The following ZNF536 variants were observed in gnomAD, a reference collection of about 807,000 sequenced individuals.
ZNF536 encodes the protein zinc finger protein 536.
ZNF536 carries 13 observed loss-of-function variants against 84.5 expected under a neutral mutation model. That is an observed-to-expected ratio of 0.15 (90% CI 0.10 to 0.24). ZNF536 has a LOEUF of 0.24. Among genes scored for constraint, ZNF536 ranks in the 10% least tolerant of loss-of-function variants. The pLI is 1.00. For missense variants in ZNF536, 1,536 were observed against 1,747.5 expected (o/e 0.88, Z 2.16); for synonymous variants, 811 against 742.5 (o/e 1.09, Z -1.50).
At chr19:30,458,240 G>A (rs2052948809) in intron 2 of ZNF536, among the ~76,000 whole-genome samples, 1 of 151,986 alleles carries the variant, frequency 6.6e-6, no homozygotes, top group African/African-American at 2.4e-5. Context: ...CCACATCATG[G>A]GAATTTGGGT....
chr19:30,673,036 C>T (rs1421803440), intron 1 of ZNF536, among the ~76,000 whole-genome samples: 1 of 152,156 alleles, frequency 6.6e-6, no homozygotes, highest in Non-Finnish European at 1.5e-5. Flanking sequence ...CCAGAAAGCC[C>T]CATATGCTTT....
At position 30,303,685 on chromosome 19, in the gene ZNF536, T is replaced by C. The variant is rs796811182; in HGVS notation, c.-120+19544T>C. On this transcript the variant is annotated intron_variant, in intron 2 of 5. Coordinates refer to the ZNF536 transcript ENST00000585628. ...GCCCGGCTAATTTTTATATTTTTAGTAGAGACAAAGTTTCACCATGTCGGC... is the reference window on the plus strand; with the variant it reads ...GCCCGGCTAATTTTTATATTTTTAGCAGAGACAAAGTTTCACCATGTCGGC... 4.6e-5 allele frequency among the ~76,000 whole-genome samples: 7 copies of C among 152,216 alleles called. 1 individual carries two copies. The highest frequency in any genetic ancestry group is 1.7e-4 in the African/African-American group (7 of 41,528).
chr19:30,556,494 C>A (rs1034857203), intron 4 of ZNF536: 2 of 152,380 alleles, frequency 1.3e-5, no homozygotes, highest in Admixed American at 6.5e-5. Context: ...CAAAGGCATT[C>A]TTCTCCTGTT....
At chr19:30,607,818 T>G (rs1210046467) in intron 1 of ZNF536, among the ~76,000 whole-genome samples, 1 of 152,202 alleles carries the variant, frequency 6.6e-6, no homozygotes, top group Admixed American at 6.5e-5. Context: ...TCCTATTATT[T>G]TTGAAAATGT....
At chr19:30,502,694 C>G (rs1041375625) in intron 2 of ZNF536, among the ~76,000 whole-genome samples, 2 of 151,898 alleles carry the variant, frequency 1.3e-5, no homozygotes, top group African/African-American at 4.8e-5. Flanking sequence ...CCTCTATTGC[C>G]CCTCCAGCAA....
At chr19:30,510,822 T>C (rs572549036) in intron 2 of ZNF536, among the ~76,000 whole-genome samples, 76 of 152,316 alleles carry the variant, frequency 5.0e-4, no homozygotes, top group Non-Finnish European at 9.4e-4. Context: ...CCTCTTTGAA[T>C]GCCGTCACAT....
chr19:30,345,243 T>TC (rs3081846), intron 2 of ZNF536, among the ~76,000 whole-genome samples: 86,924 of 151,904 alleles, frequency 0.57, 25,273 homozygotes, highest in East Asian at 0.81. Flanking sequence ...CCCCGGGGGC[T>TC]CCCCCCAGCA....
At chr19:30,490,966 T>C (rs999454797) in intron 2 of ZNF536, among the ~76,000 whole-genome samples, 1 of 151,416 alleles carries the variant, frequency 6.6e-6, no homozygotes, top group Non-Finnish European at 1.5e-5. Flanking sequence ...TGAACAGGAG[T>C]GGGCAGGCAC....
At chr19:30,227,172 A>T (rs1339878285), upstream of ZNF536, among the ~76,000 whole-genome samples, 5 of 151,674 alleles carry the variant, frequency 3.3e-5, no homozygotes, top group Admixed American at 1.3e-4. Context: ...AGAAAGAAAA[A>T]GGGCTGGGCA....
chr19:30,461,919 T>A (rs2053156865), intron 2 of ZNF536, among the ~76,000 whole-genome samples: 1 of 152,104 alleles, frequency 6.6e-6, no homozygotes, highest in Non-Finnish European at 1.5e-5. Flanking sequence ...CATCCGGAAG[T>A]CAGCTCTCCA....
At chr19:30,652,905 C>T (rs990186584) in intron 1 of ZNF536, among the ~76,000 whole-genome samples, 1 of 152,140 alleles carries the variant, frequency 6.6e-6, no homozygotes. Flanking sequence ...ACTTCTTACT[C>T]CCCGTGTGGG....
At chr19:30,588,674 G>A (rs1464504389) in intron 1 of ZNF536, among the ~76,000 whole-genome samples, 2 of 152,150 alleles carry the variant, frequency 1.3e-5, no homozygotes, top group African/African-American at 2.4e-5. Context: ...TTAACCCAGA[G>A]AGAGAAGGTC....
chr19:30,269,975 C>T (rs185040395), intron 1 of ZNF536, among the ~76,000 whole-genome samples: 1 of 152,050 alleles, frequency 6.6e-6, no homozygotes, highest in Non-Finnish European at 1.5e-5. Context: ...CTTTATATAT[C>T]CCTCTGAACT....
intron 2 of ZNF536, among the ~76,000 whole-genome samples, chr19:30,449,774 G>A (rs930897087): frequency 6.6e-6 from 1 of 152,204 alleles, no homozygotes; most frequent in Non-Finnish European, 1.5e-5. Context: ...GGTCAGCTGG[G>A]CTAAAAGCCT....
intron 1 of ZNF536, among the ~76,000 whole-genome samples, chr19:30,253,835 T>A (rs2024758162): frequency 6.6e-6 from 1 of 152,088 alleles, no homozygotes; most frequent in Non-Finnish European, 1.5e-5. Context: ...CCTTCCTTAG[T>A]CATAGGAAAG....
intron 1 of ZNF536, among the ~76,000 whole-genome samples, chr19:30,380,853 C>G (rs2048995322): frequency 1.3e-5 from 2 of 152,058 alleles, no homozygotes; most frequent in African/African-American, 4.8e-5. Flanking sequence ...ATTTATTTAT[C>G]TAAATTTATA....
rs545489864 is a variant in ZNF536, at chr19:30,580,699, T to G, written c.169+31185T>G. Among the ~76,000 whole-genome samples, 6 of 152,304 alleles carry G rather than the reference T, an allele frequency of 3.9e-5. No homozygotes were observed. In the South Asian group the frequency reaches 1.0e-3, roughly 26 times the overall value. On this transcript the variant is annotated intron_variant, in intron 1 of 1. Transcript: ENST00000592773. ...AGGCTCCTATGATCCTGTGTGGAGC[T>G]GCAGAAACAATAGGGTCTCGAGGAA...
intron 1 of ZNF536, among the ~76,000 whole-genome samples, chr19:30,610,265 G>A (rs2048057933): frequency 6.6e-6 from 1 of 152,206 alleles, no homozygotes; most frequent in African/African-American, 2.4e-5. Flanking sequence ...AATGATAAAT[G>A]CCTTTTGTGT....
intron 2 of ZNF536, among the ~76,000 whole-genome samples, chr19:30,509,567 A>G (rs1376746921): frequency 1.3e-5 from 2 of 150,854 alleles, no homozygotes; most frequent in Non-Finnish European, 3.0e-5. Context: ...GTGTATATTT[A>G]AGGCACACAA....
Sources: allele counts gnomAD v4.1 joint callset (sites outside exome capture counted in the v4.1 genomes callset), GRCh38; gene constraint gnomAD v4.1.1; transcripts MANE v1.5; gene names NCBI Gene and HGNC (gene_info 2026-07-23, HGNC 2026-07-21).